SEPSECS: variants seen among roughly 807,000 people sequenced by gnomAD.
SEPSECS encodes O-phosphoseryl-tRNA(Sec) selenium transferase.
Under a neutral mutation model 52.1 loss-of-function variants are expected in SEPSECS, and 42 were observed. The ratio of observed to expected loss-of-function variants is 0.81; its 90% confidence interval spans 0.63 to 1.04. The LOEUF (loss-of-function observed/expected upper bound fraction) is 1.04. SEPSECS is among the 50% of genes least tolerant of loss of function. The pLI, the probability that SEPSECS is intolerant of heterozygous loss-of-function variation, is 0.00. For missense variants in SEPSECS, 590 were observed against 610.6 expected, an observed-to-expected ratio of 0.97 and a Z score of 0.36; for synonymous variants, 216 against 211.4, an observed-to-expected ratio of 1.02 and a Z score of -0.19.
rs777881147 is a variant in SEPSECS at position 25,156,847 on chromosome 4, G to A, written c.388+9C>T. The A allele has an allele frequency of 7.2e-6, 10 of 1,394,482 alleles. No homozygotes were observed. The highest frequency in any genetic ancestry group is 2.3e-5 in the South Asian group (2 of 86,756). 86.4% of individuals were successfully genotyped at this position (1,394,482 alleles called of 1,614,324 possible). On this transcript the variant is annotated intron_variant, in intron 3 of 10. Transcript: ENST00000382103. Reference sequence around the variant, plus strand: ...CAGCCAAAAGCATTATGATTAAGACGGTACATACCAGCCAGCTTTATAATG... The same window carrying A: ...CAGCCAAAAGCATTATGATTAAGACAGTACATACCAGCCAGCTTTATAATG...
chr4:25,142,987 A>C (rs1200630446), intron 8 of SEPSECS, among the ~76,000 whole-genome samples: 1 of 152,240 alleles, frequency 6.6e-6, no homozygotes, highest in East Asian at 1.9e-4. Flanking sequence ...AGGAGAGCTA[A>C]GAACCACTGA....
chr4:25,138,470 T>A (rs915485410), intron 8 of SEPSECS, among the ~76,000 whole-genome samples: 3 of 149,706 alleles, frequency 2.0e-5, no homozygotes, highest in African/African-American at 7.4e-5. Context: ...AAAATAAAAT[T>A]AAATAAATAA....
intron 6 of SEPSECS, among the ~76,000 whole-genome samples, chr4:25,145,598 A>C (rs1219406397): frequency 1.3e-5 from 2 of 152,186 alleles, no homozygotes; most frequent in African/African-American, 4.8e-5. Context: ...ACACCTTAAA[A>C]TTTGATAAGA....
At chr4:25,159,864 G>A (rs1396256499) in intron 1 of SEPSECS, 2 of 1,090,726 alleles carry the variant, frequency 1.8e-6, no homozygotes, top group East Asian at 1.7e-4. Context: ...AAAGCTCGTG[G>A]TTCGAGTTAG....
chr4:25,130,943 C>G (rs1281803720), intron 8 of SEPSECS, among the ~76,000 whole-genome samples: 1 of 152,090 alleles, frequency 6.6e-6, no homozygotes, highest in East Asian at 1.9e-4. Context: ...ATAGAAAGAT[C>G]TTACTTAAAA....
chr4:25,138,495 T>C (rs1728934256), intron 8 of SEPSECS, among the ~76,000 whole-genome samples: 1 of 151,264 alleles, frequency 6.6e-6, no homozygotes, highest in Non-Finnish European at 1.5e-5. Context: ...AATAAATTTA[T>C]GATTTTAGCC....
chr4:25,159,153 G>A (rs758488034), intron 1 of SEPSECS, 46 bp from the exon 2 acceptor site: 5 of 1,433,400 alleles, frequency 3.5e-6, no homozygotes, highest in South Asian at 2.6e-5. Flanking sequence ...TAAAACTACC[G>A]TTCTCTAGAA....
chr4:25,136,432 T>G (rs55764740), intron 8 of SEPSECS, among the ~76,000 whole-genome samples: 23,409 of 151,258 alleles, frequency 0.15, 1,878 homozygotes, highest in East Asian at 0.31. Context: ...GCCAAATCAT[T>G]CATGATTTGG....
chr4:25,160,014 C>G, intron 1 of SEPSECS: 1 of 985,400 alleles, frequency 1.0e-6, no homozygotes, highest in Non-Finnish European at 1.2e-6. Flanking sequence ...TTAGAAACAG[C>G]GGGACTCAAA....
At position 25,145,129 on chromosome 4, in the gene SEPSECS, G is replaced by A. The variant is rs374529844; in HGVS notation, c.809C>T (p.Ala270Val). ...SKCMHLIQQG[A>V]RVGRIDAFVQ... ...AAAAGCATCTATTCTACCAACTCGA[G>A]CCCCCTGGAATCAATATGATATTAC... The change falls in exon 7 of 11, where the codon GCT (alanine) becomes GTT (valine). Residue 270 changes from alanine to valine, a missense_variant. Transcript: ENST00000382103. 2.4e-5 allele frequency: 38 copies of A among 1,613,584 alleles called. No individual in the cohort carries two copies. Among genetic ancestry groups the A allele is most frequent in the Non-Finnish European group, 3.1e-5 (37 of 1,179,868 alleles).
chr4:25,146,304 T>C (rs1711959173), intron 6 of SEPSECS, among the ~76,000 whole-genome samples: 1 of 152,108 alleles, frequency 6.6e-6, no homozygotes, highest in Non-Finnish European at 1.5e-5. Context: ...AGGCAACAGG[T>C]GGAAGCAGCC....
chr4:25,123,990 C>G lies in SEPSECS; in HGVS notation c.1447G>C (p.Glu483Gln). The G allele has an allele frequency of 1.2e-6, 2 of 1,613,588 alleles. No individual in the cohort carries two copies. Among genetic ancestry groups the G allele is most frequent in the South Asian group, 1.1e-5 (1 of 91,072 alleles). ...ACATTATCTAGTTTTAAAGCCATTT[C>G]TTCAATATCCACATCTTCAGTTTTG... The part of the protein sequence containing the change: ...YDKTEDVDIE[E>Q]MALKLDNVLL... The change falls in exon 11 of 11, where the codon GAA (glutamate) becomes CAA (glutamine). Residue 483 changes from glutamate to glutamine, a missense_variant. Physicochemically the swap from Glu to Gln is conservative, Grantham distance 29 (BLOSUM62 2). Transcript: ENST00000382103.
At chr4:25,156,702 C>A (rs533282439) in intron 3 of SEPSECS, among the ~76,000 whole-genome samples, 154 bp downstream of exon 3, 3 of 84,278 alleles carry the variant, frequency 3.6e-5, no homozygotes, top group Non-Finnish European at 6.3e-5. Flanking sequence ...AGCTAGACTC[C>A]GTCTCAAAAA....
At chr4:25,124,796 A>G (rs1330458381) in intron 10 of SEPSECS, among the ~76,000 whole-genome samples, 2 of 152,090 alleles carry the variant, frequency 1.3e-5, no homozygotes, top group Non-Finnish European at 2.9e-5. Context: ...GTGGGGTGGT[A>G]GTCAGCAAAC....
intron 1 of SEPSECS, 164 bp downstream of exon 1, chr4:25,160,092 G>A: frequency 2.0e-6 from 2 of 985,460 alleles, no homozygotes; most frequent in South Asian, 4.7e-5. Flanking sequence ...AGGCTGAGAA[G>A]GCACAGACCG....
chr4:25,156,925 T>C lies in SEPSECS; in HGVS notation c.319A>G (p.Lys107Glu), dbSNP rs372235675. 11 of 1,613,564 alleles carry C rather than the reference T, an allele frequency of 6.8e-6. No individual in the cohort carries two copies. The African/African-American group carries it at 1.5e-4, about 22-fold the overall frequency. Reference sequence around the variant, plus strand: ...TTCAAAAGGCTAGAGCCTGCAGCTTTTGGTTGCACAGCAGAAATATCACCG... The same window carrying C: ...TTCAAAAGGCTAGAGCCTGCAGCTTCTGGTTGCACAGCAGAAATATCACCG... ...RSGDISAVQP[K>E]AAGSSLLNKI... Residue 107 changes from lysine to glutamate, a missense_variant, in exon 3 of 11, where the codon AAA becomes GAA. Transcript: ENST00000382103.
chr4:25,128,550 T>C (rs1728482647), intron 8 of SEPSECS, among the ~76,000 whole-genome samples: 1 of 152,130 alleles, frequency 6.6e-6, no homozygotes, highest in Non-Finnish European at 1.5e-5. Context: ...TAAAAATGTA[T>C]TTTACAAGTA....
intron 6 of SEPSECS, among the ~76,000 whole-genome samples, chr4:25,145,644 CCTTT>C (rs1711915693): frequency 6.6e-6 from 1 of 152,096 alleles, no homozygotes; most frequent in South Asian, 2.1e-4. Flanking sequence ...CATCTGTGCT[CCTTT>C]TTTTGACAAC....
chr4:25,159,030 G>A lies in SEPSECS; in HGVS notation c.192C>T (p.Asn64=), dbSNP rs1447104713. 6.2e-7 allele frequency: 1 copy of A among 1,613,216 alleles called. No homozygotes were observed. Among genetic ancestry groups the A allele is most frequent in the Non-Finnish European group, 8.5e-7 (1 of 1,179,750 alleles). The part of the protein sequence containing the change: ...FLHELAIMDS[N]NFLGNCGVGE... Reference sequence around the variant, plus strand: ...CCACACCACAATTGCCTAAGAAATTGTTGCTGTCCATGATTGCAAGTTCAT... The same window carrying A: ...CCACACCACAATTGCCTAAGAAATTATTGCTGTCCATGATTGCAAGTTCAT... Residue 64 remains asparagine, a synonymous_variant, in exon 2 of 11, where the codon AAC becomes AAT. Transcript: ENST00000382103.
Sources: allele counts gnomAD v4.1 joint callset (sites outside exome capture counted in the v4.1 genomes callset), GRCh38; gene constraint gnomAD v4.1.1; transcripts MANE v1.5; gene names NCBI Gene and HGNC (gene_info 2026-07-23, HGNC 2026-07-21).